TNRC6C: variants seen among roughly 807,000 people sequenced by gnomAD.
TNRC6C encodes trinucleotide repeat containing adaptor 6C, also known as trinucleotide repeat-containing gene 6C protein.
A neutral mutation model predicts 153.7 loss-of-function variants in TNRC6C; 20 were observed. The ratio of observed to expected loss-of-function variants is 0.13; its 90% confidence interval spans 0.09 to 0.19. The LOEUF is 0.19. TNRC6C is among the 10% of genes least tolerant of loss of function. TNRC6C has a pLI of 1.00. For synonymous variants in TNRC6C, 811 were observed against 841.4 expected (o/e 0.96, Z 0.63); for missense variants, 1,987 against 2,172.0 (o/e 0.91, Z 1.69).
chr17:77,958,771 C>T (rs1432411279), upstream of TNRC6C, among the ~76,000 whole-genome samples: 1 of 149,994 alleles, frequency 6.7e-6, no homozygotes, highest in Middle Eastern at 3.4e-3. Context: ...GAGCCGTAGC[C>T]GCCGCCGCCG....
At chr17:78,087,038 C>T (rs754758856) in exon 13 of TNRC6C, 1 of 1,613,754 alleles carries the variant, frequency 6.2e-7, no homozygotes, top group Non-Finnish European at 8.5e-7. Flanking sequence ...GCCTACCTGA[C>T]CTGCAGACCA....
intron 9 of TNRC6C, 68 bp downstream of exon 11, chr17:78,077,402 A>G (rs2073103969): frequency 6.5e-7 from 1 of 1,532,848 alleles, no homozygotes; most frequent in Non-Finnish European, 8.8e-7. Flanking sequence ...TGTGTTTGAG[A>G]CATAAACTTA....
At chr17:77,995,903 T>C (rs1316801057) in intron 1 of TNRC6C, among the ~76,000 whole-genome samples, 1 of 152,142 alleles carries the variant, frequency 6.6e-6, no homozygotes, top group Non-Finnish European at 1.5e-5. Context: ...CAAGACACTG[T>C]CTCCACAAAA....
At chr17:78,007,474 G>A (rs920672991) in intron 1 of TNRC6C, among the ~76,000 whole-genome samples, 11 of 152,110 alleles carry the variant, frequency 7.2e-5, no homozygotes, top group Non-Finnish European at 1.5e-4. Context: ...CACTTTTGTC[G>A]GGTGACACAG....
chr17:78,076,877 GGTT>G (rs1272861600), intron 8 of TNRC6C, among the ~76,000 whole-genome samples: 1 of 152,206 alleles, frequency 6.6e-6, no homozygotes, highest in African/African-American at 2.4e-5. Flanking sequence ...ATTTGAAAAT[GGTT>G]GTAAAGTGCT....
intron 3 of TNRC6C, among the ~76,000 whole-genome samples, chr17:78,059,586 G>A (rs1195116951): frequency 1.3e-5 from 2 of 152,214 alleles, no homozygotes; most frequent in Non-Finnish European, 2.9e-5. Flanking sequence ...AGTGGCTCAC[G>A]CCTGTAATCC....
At chr17:78,098,428 G>A in exon 17 of TNRC6C, 3 of 1,613,956 alleles carry the variant, frequency 1.9e-6, no homozygotes, top group Non-Finnish European at 2.5e-6. Flanking sequence ...TATGGAAGGT[G>A]CCCAGAAACA....
intron 2 of TNRC6C, among the ~76,000 whole-genome samples, 182 bp from the exon 5 acceptor site, chr17:78,048,663 C>T (rs970289713): frequency 2.0e-5 from 3 of 152,292 alleles, no homozygotes; most frequent in South Asian, 2.1e-4. Flanking sequence ...AAAACATTAA[C>T]GCTCTTTAAA....
At chr17:78,062,861 G>A (rs1201562202) in intron 3 of TNRC6C, among the ~76,000 whole-genome samples, 1 of 152,134 alleles carries the variant, frequency 6.6e-6, no homozygotes. Flanking sequence ...TTGACCAGAA[G>A]CCTTATTGAT....
chr17:77,980,952 T>C (rs1285537167), intron 1 of TNRC6C, among the ~76,000 whole-genome samples: 1 of 152,080 alleles, frequency 6.6e-6, no homozygotes, highest in East Asian at 1.9e-4. Flanking sequence ...CCAATCCTTT[T>C]GGGTTTGTTT....
chr17:77,968,764 A>T (rs564706413), intron 1 of TNRC6C, among the ~76,000 whole-genome samples: 33 of 152,362 alleles, frequency 2.2e-4, no homozygotes, highest in African/African-American at 7.9e-4. Context: ...GTGATTTTCC[A>T]ACTAAATCTT....
chr17:78,092,822 G>T (rs530743156), intron 14 of TNRC6C, 111 bp from the exon 17 acceptor site: 38 of 796,696 alleles, frequency 4.8e-5, no homozygotes, highest in Non-Finnish European at 6.5e-5. Context: ...ACTGAATAGG[G>T]CAAGGCATTG....
intron 1 of TNRC6C, among the ~76,000 whole-genome samples, chr17:77,996,560 CAG>C (rs1172019904): frequency 8.5e-5 from 13 of 152,178 alleles, no homozygotes; most frequent in Admixed American, 4.6e-4. Flanking sequence ...ACCCCTTGGT[CAG>C]GGGACGGCAA....
At chr17:78,002,820 C>T (rs2071433582), upstream of TNRC6C, among the ~76,000 whole-genome samples, 2 of 152,150 alleles carry the variant, frequency 1.3e-5, no homozygotes, top group Non-Finnish European at 2.9e-5. Context: ...CTGGTGCTTA[C>T]TACAATAAAT....
At chr17:77,966,773 A>G (rs768497757) in intron 1 of TNRC6C, among the ~76,000 whole-genome samples, 1 of 152,232 alleles carries the variant, frequency 6.6e-6, no homozygotes, top group Non-Finnish European at 1.5e-5. Flanking sequence ...CAATGAAATC[A>G]GATTTTCTTA....
chr17:78,098,199 T>C, intron 16 of TNRC6C, 144 bp from the exon 20 acceptor site: 1 of 851,670 alleles, frequency 1.2e-6, no homozygotes, highest in Non-Finnish European at 1.7e-6. Context: ...TTACTTGAGT[T>C]TGCCAGGGGC....
chr17:78,035,600 T>G (rs2072163631), intron 2 of TNRC6C, among the ~76,000 whole-genome samples: 1 of 152,152 alleles, frequency 6.6e-6, no homozygotes, highest in African/African-American at 2.4e-5. Flanking sequence ...AGCCCAGGAA[T>G]TCAAGACCAG....
intron 1 of TNRC6C, among the ~76,000 whole-genome samples, chr17:77,982,335 GA>G (rs140883317): frequency 6.8e-5 from 10 of 147,128 alleles, no homozygotes; most frequent in East Asian, 5.9e-4. Context: ...TGTAAGAACT[GA>G]AAAAAAAAAT....
chr17:78,064,403 C>G (rs1479930393), intron 3 of TNRC6C, among the ~76,000 whole-genome samples: 3 of 152,058 alleles, frequency 2.0e-5, no homozygotes, highest in African/African-American at 7.2e-5. Flanking sequence ...TTTTAAGAAG[C>G]CAAACAAGCC....
Sources: gnomAD v4.1 joint callset for allele counts (sites outside exome capture counted in the v4.1 genomes callset) on GRCh38, gnomAD v4.1.1 for gene constraint, MANE v1.5 for transcripts, NCBI Gene and HGNC (gene_info 2026-07-23, HGNC 2026-07-21) for gene names.